The following FOCAD variants were observed in gnomAD, a reference collection of about 807,000 sequenced individuals.
FOCAD encodes KIAA1797.
Under a neutral mutation model 225.6 loss-of-function variants are expected in FOCAD, and 198 were observed. That is an observed-to-expected ratio of 0.88 (90% CI 0.78 to 0.99). FOCAD has a LOEUF of 0.99. Ranked by LOEUF, FOCAD falls within the 50% of genes least tolerant of loss-of-function variation. FOCAD has a pLI of 0.00. For missense variants in FOCAD, 2,713 were observed against 2,123.6 expected (o/e 1.28, Z -5.46); for synonymous variants, 897 against 755.0 (o/e 1.19, Z -3.08).
At chr9:20,801,849 G>A (rs1243934758) in intron 11 of FOCAD, among the ~76,000 whole-genome samples, 1 of 152,128 alleles carries the variant, frequency 6.6e-6, no homozygotes, top group East Asian at 1.9e-4. Flanking sequence ...TGGTGGATTT[G>A]GTGGGAAAAG....
chr9:20,839,870 C>T lies in FOCAD; in HGVS notation c.1920+16755C>T, dbSNP rs993066158. Among the ~76,000 whole-genome samples, 25 of 152,174 alleles carry T rather than the reference C, an allele frequency of 1.6e-4. 1 individual carries two copies. The highest frequency in any genetic ancestry group is 5.5e-4 in the African/African-American group (23 of 41,544). On this transcript the variant is annotated intron_variant, in intron 15 of 43. Coordinates refer to ENST00000338382, the MANE Select transcript of FOCAD (RefSeq NM_001375567.1). ...GAGATAAGGGTCAAGTTTCATTTTTCTGCATATGATTATCCAGCTTTCTCA... is the reference window on the plus strand; with the variant it reads ...GAGATAAGGGTCAAGTTTCATTTTTTTGCATATGATTATCCAGCTTTCTCA...
At chr9:20,981,016 T>A (rs141120702) in intron 37 of FOCAD, among the ~76,000 whole-genome samples, 1 of 152,340 alleles carries the variant, frequency 6.6e-6, no homozygotes, top group South Asian at 2.1e-4. Flanking sequence ...ATGCTCTGTT[T>A]AGTTGATTTT....
intron 35 of FOCAD, among the ~76,000 whole-genome samples, chr9:20,963,914 G>A (rs918296110): frequency 1.3e-5 from 2 of 152,172 alleles, no homozygotes; most frequent in East Asian, 3.8e-4. Flanking sequence ...TAGAATATAA[G>A]CTCCACGAGC....
In FOCAD at chr9:20,764,926, A is replaced by C; in HGVS notation, c.552A>C (p.Glu184Asp). The part of the protein sequence containing the change: ...MAPFLWYLYC[E>D]PSQLQEYAKL... Reference sequence around the variant, plus strand: ...CATTTCTGTGGTATCTGTATTGTGAACCATCTCAGTTACAAGAATATGCTA... The same window carrying C: ...CATTTCTGTGGTATCTGTATTGTGACCCATCTCAGTTACAAGAATATGCTA... The change falls in exon 7 of 44, where the codon GAA becomes GAC. Residue 184 changes from glutamate to aspartate, a missense_variant. Physicochemically the swap from Glu to Asp is conservative, Grantham distance 45. Coordinates refer to ENST00000338382, the MANE Select transcript of FOCAD (RefSeq NM_001375567.1). 6.2e-7 allele frequency: 1 copy of C among 1,614,128 alleles called. No individual in the cohort carries two copies. Among genetic ancestry groups the C allele is most frequent in the Non-Finnish European group, 8.5e-7 (1 of 1,180,004 alleles).
At chr9:20,880,064 G>A (rs1272423715) in intron 19 of FOCAD, among the ~76,000 whole-genome samples, 1 of 152,176 alleles carries the variant, frequency 6.6e-6, no homozygotes, top group Non-Finnish European at 1.5e-5. Flanking sequence ...CTGTGTATGT[G>A]TATGCAGAAA....
At chr9:20,706,799 A>C (rs1267700906) in intron 1 of FOCAD, among the ~76,000 whole-genome samples, 1 of 152,176 alleles carries the variant, frequency 6.6e-6, no homozygotes, top group Non-Finnish European at 1.5e-5. Flanking sequence ...TTTTTCCTGT[A>C]ATAGTTGGAG....
chr9:20,755,810 T>TTTTG (rs917905280), intron 5 of FOCAD, among the ~76,000 whole-genome samples: 1 of 152,114 alleles, frequency 6.6e-6, no homozygotes, highest in Non-Finnish European at 1.5e-5. Context: ...GTGAGTGTTT[T>TTTTG]TTTGTTTGTT....
chr9:20,677,026 G>A (rs1822255663), intron 2 of FOCAD, among the ~76,000 whole-genome samples: 1 of 152,142 alleles, frequency 6.6e-6, no homozygotes, highest in Admixed American at 6.5e-5. Context: ...GTATGGTACT[G>A]GCATAAAAAT....
At chr9:20,696,380 G>C (rs1048939548) in intron 1 of FOCAD, among the ~76,000 whole-genome samples, 1 of 152,162 alleles carries the variant, frequency 6.6e-6, no homozygotes, top group Non-Finnish European at 1.5e-5. Context: ...TGATATGTTT[G>C]ATTGTGGAAA....
chr9:20,956,936 C>T (rs1034456800), intron 35 of FOCAD, among the ~76,000 whole-genome samples: 2 of 152,070 alleles, frequency 1.3e-5, no homozygotes, highest in Admixed American at 6.6e-5. Flanking sequence ...TCAGGTGATC[C>T]GCCTGCCTCG....
chr9:20,881,044 C>T (rs1830627318), intron 19 of FOCAD, among the ~76,000 whole-genome samples: 1 of 152,022 alleles, frequency 6.6e-6, no homozygotes, highest in African/African-American at 2.4e-5. Flanking sequence ...AGATCTTGGG[C>T]TTAATTAGAA....
chr9:20,992,097 G>C (rs988757795), intron 42 of FOCAD, among the ~76,000 whole-genome samples: 1 of 152,116 alleles, frequency 6.6e-6, no homozygotes, highest in Middle Eastern at 3.2e-3. Flanking sequence ...AAACTAAAAT[G>C]CCTATTACCT....
At chr9:20,986,560 T>A in intron 40 of FOCAD, 95 bp downstream of exon 40, 1 of 1,177,712 alleles carries the variant, frequency 8.5e-7, no homozygotes, top group Non-Finnish European at 1.1e-6. Context: ...AAAATTAGTT[T>A]AGTGCTTATT....
chr9:20,748,904 T>C (rs995118684), intron 5 of FOCAD, among the ~76,000 whole-genome samples: 1 of 152,190 alleles, frequency 6.6e-6, no homozygotes, highest in Non-Finnish European at 1.5e-5. Flanking sequence ...CTTTATATGT[T>C]CTTCTAATTG....
At chr9:20,879,326 A>T (rs80089248) in intron 19 of FOCAD, among the ~76,000 whole-genome samples, 4,296 of 152,144 alleles carry the variant, frequency 0.028, 107 homozygotes, top group African/African-American at 0.066. Flanking sequence ...AACATTTGGG[A>T]TTTTAACCTT....
chr9:20,711,043 C>G (rs1195871269), intron 1 of FOCAD, among the ~76,000 whole-genome samples: 2 of 152,160 alleles, frequency 1.3e-5, no homozygotes, highest in Non-Finnish European at 2.9e-5. Context: ...TGGCCCTTTA[C>G]AGAAAAAAGA....
chr9:20,685,196 A>ATTTTTTTTTTTTT (rs397959541), intron 1 of FOCAD, among the ~76,000 whole-genome samples: 98 of 143,078 alleles, frequency 6.8e-4, no homozygotes, highest in Non-Finnish European at 1.0e-3. Context: ...TGAGTTGGAA[A>ATTTTTTTTTTTTT]TTTTTTTTTT....
intron 5 of FOCAD, among the ~76,000 whole-genome samples, chr9:20,748,916 A>G (rs1828300034): frequency 6.6e-6 from 1 of 152,122 alleles, no homozygotes; most frequent in Non-Finnish European, 1.5e-5. Flanking sequence ...TTCTAATTGT[A>G]GATGTTTAAT....
intron 5 of FOCAD, among the ~76,000 whole-genome samples, chr9:20,757,847 G>A (rs912998343): frequency 1.3e-5 from 2 of 152,116 alleles, no homozygotes; most frequent in Admixed American, 1.3e-4. Context: ...TCCCAGATTT[G>A]GATCTCTGAG....
Sources: gnomAD v4.1 joint callset for allele counts (sites outside exome capture counted in the v4.1 genomes callset) on GRCh38, gnomAD v4.1.1 for gene constraint, MANE v1.5 for transcripts, NCBI Gene and HGNC (gene_info 2026-07-23, HGNC 2026-07-21) for gene names.